The following LARP4 variants were observed in gnomAD, a reference collection of about 807,000 sequenced individuals.
The protein encoded by LARP4 is la-related protein 4.
A neutral mutation model predicts 92.9 loss-of-function variants in LARP4; 29 were observed. The observed-to-expected ratio is 0.31, with a 90% confidence interval of 0.23 to 0.43. LARP4 has a LOEUF of 0.43. Among genes scored for constraint, LARP4 ranks in the 20% least tolerant of loss-of-function variants. The pLI is 1.00. For synonymous variants in LARP4, 279 were observed against 284.1 expected, an observed-to-expected ratio of 0.98 and a Z score of 0.18; for missense variants, 732 against 860.0, an observed-to-expected ratio of 0.85 and a Z score of 1.86.
intron 8 of LARP4, among the ~76,000 whole-genome samples, chr12:50,449,867 T>C (rs1164986170): frequency 1.3e-5 from 2 of 151,848 alleles, no homozygotes; most frequent in African/African-American, 4.8e-5. Flanking sequence ...ACTGTTCGTG[T>C]TGATATTGGC....
intron 13 of LARP4, among the ~76,000 whole-genome samples, chr12:50,470,189 A>C (rs933840195): frequency 4.0e-5 from 6 of 150,496 alleles, no homozygotes; most frequent in Admixed American, 6.7e-5. Flanking sequence ...ACACCACTGT[A>C]CTCCAGCCTG....
intron 1 of LARP4, among the ~76,000 whole-genome samples, chr12:50,413,799 T>A (rs1946318744): frequency 6.6e-6 from 1 of 152,200 alleles, no homozygotes; most frequent in Non-Finnish European, 1.5e-5. Flanking sequence ...AACTATAGTA[T>A]GGTATAATGA....
intron 8 of LARP4, among the ~76,000 whole-genome samples, chr12:50,453,110 TCACTGTGGTA>T (rs1953557489): frequency 6.7e-6 from 1 of 149,644 alleles, no homozygotes; most frequent in Non-Finnish European, 1.5e-5. Context: ...GGGATGGGTC[TCACTGTGGTA>T]CCCAGGGTGG....
chr12:50,409,789 A>AATT lies in LARP4; in HGVS notation c.18+8780_18+8782dup, dbSNP rs994279268. The stretch of plus-strand genomic sequence containing the variant: ...CAAAAAAAAAAAAGAAAAGAAAAAG[A>AATT]ATTATTATTATTATTATTATTTTTT... On this transcript the variant is annotated intron_variant, in intron 1 of 15. Transcript: ENST00000398473. Among the ~76,000 whole-genome samples the AATT allele has an allele frequency of 1.1e-3, 159 of 150,380 alleles. 2 individuals carry two copies. Among genetic ancestry groups the AATT allele is most frequent in the Admixed American group, 3.3e-3 (50 of 15,130 alleles).
intron 4 of LARP4, among the ~76,000 whole-genome samples, chr12:50,432,506 T>TC (rs751738434): frequency 6.6e-6 from 1 of 152,192 alleles, no homozygotes; most frequent in Non-Finnish European, 1.5e-5. Flanking sequence ...GATTTAGATC[T>TC]CTAATACAGA....
chr12:50,441,770 C>G, intron 8 of LARP4, 127 bp downstream of exon 8: 1 of 754,208 alleles, frequency 1.3e-6, no homozygotes, highest in Middle Eastern at 3.6e-4. Flanking sequence ...TGGCTTGGTC[C>G]AGGCGTGGTG....
intron 1 of LARP4, among the ~76,000 whole-genome samples, chr12:50,423,590 A>T (rs1018565977): frequency 2.6e-5 from 4 of 151,012 alleles, no homozygotes; most frequent in African/African-American, 9.8e-5. Context: ...CTGAGATTAC[A>T]GGTGCAGGCC....
chr12:50,466,062 A>T (rs565255877), intron 12 of LARP4, among the ~76,000 whole-genome samples: 99 of 152,320 alleles, frequency 6.5e-4, no homozygotes, highest in Non-Finnish European at 1.0e-3. Flanking sequence ...CAAGGAAAGG[A>T]TGGTTAACAC....
intron 13 of LARP4, among the ~76,000 whole-genome samples, 183 bp downstream of exon 13, chr12:50,467,303 A>C (rs944576052): frequency 2.0e-5 from 3 of 152,030 alleles, no homozygotes; most frequent in African/African-American, 7.2e-5. Flanking sequence ...AAAGGCAATA[A>C]AATGTTTCTT....
chr12:50,463,421 A>AG (rs1955721300), intron 12 of LARP4, among the ~76,000 whole-genome samples: 1 of 16,738 alleles, frequency 6.0e-5, no homozygotes, highest in Non-Finnish European at 1.3e-3. Flanking sequence ...CCATCTCTCC[A>AG]AAAAAAAAAA....
In LARP4 at chr12:50,405,877, T is replaced by G. The variant is rs533176887; in HGVS notation, c.18+4849T>G. ...TATTTGCGTAGCACCTATGCACATC[T>G]TTGTGTATATGTTAAATAATCTCTA... On this transcript the variant is annotated intron_variant, in intron 1 of 15. Transcript: ENST00000398473. 1.3e-4 allele frequency among the ~76,000 whole-genome samples: 20 copies of G among 152,326 alleles called. No individual in the cohort carries two copies. In the East Asian group the frequency reaches 3.7e-3, roughly 28 times the overall value.
chr12:50,401,622 A>C (rs1943866221), intron 1 of LARP4, among the ~76,000 whole-genome samples: 1 of 152,188 alleles, frequency 6.6e-6, no homozygotes, highest in Non-Finnish European at 1.5e-5. Flanking sequence ...TAGGGTTTGG[A>C]AGCCTTGAAA....
At chr12:50,454,646 A>G (rs899827758) in intron 10 of LARP4, 4 of 362,504 alleles carry the variant, frequency 1.1e-5, no homozygotes, top group Non-Finnish European at 1.5e-5. Context: ...TTTTTTAATA[A>G]TAAAAGAGAA....
At chr12:50,427,306 T>C (rs897536257) in intron 1 of LARP4, among the ~76,000 whole-genome samples, 2 of 148,298 alleles carry the variant, frequency 1.3e-5, no homozygotes, top group Admixed American at 6.6e-5. Context: ...TCAAAAGTTA[T>C]GTAAATAGTT....
chr12:50,417,924 G>A (rs574554641), intron 1 of LARP4, among the ~76,000 whole-genome samples: 5 of 152,208 alleles, frequency 3.3e-5, no homozygotes, highest in African/African-American at 9.6e-5. Context: ...GTAATGGCGC[G>A]ATCTTGGTTC....
chr12:50,476,075 AATAT>A lies in LARP4; in HGVS notation c.*225_*228del, dbSNP rs149999313. 2.2e-4 allele frequency: 64 copies of A among 287,692 alleles called. No homozygotes were observed. The highest frequency in any genetic ancestry group is 1.1e-3 in the Middle Eastern group (1 of 874). The allele number at this position is 287,692 out of a possible 1,614,324, so 17.8% of individuals were successfully genotyped here. On this transcript the variant is annotated 3_prime_UTR_variant, in exon 16 of 16. Coordinates refer to ENST00000398473, the MANE Select transcript of LARP4 (RefSeq NM_052879.5). ...ATGCTGGAGGATTCCAATCAATATA[AATAT>A]ATATATATATATACACACACATATA...
chr12:50,454,179 A>G (rs144637647), intron 9 of LARP4, 135 bp from the exon 10 acceptor site: 7 of 607,324 alleles, frequency 1.2e-5, no homozygotes, highest in African/African-American at 9.2e-5. Context: ...ATATTGCAGA[A>G]ATGAATCAGT....
chr12:50,416,934 C>T (rs1377735099), intron 1 of LARP4, among the ~76,000 whole-genome samples: 4 of 152,118 alleles, frequency 2.6e-5, no homozygotes, highest in Non-Finnish European at 5.9e-5. Flanking sequence ...TACTGCACTC[C>T]AGCCTGGGCA....
chr12:50,457,768 C>T (rs991673328), intron 10 of LARP4, among the ~76,000 whole-genome samples: 4 of 149,710 alleles, frequency 2.7e-5, no homozygotes, highest in Middle Eastern at 3.2e-3. Context: ...GAGCTGAGAT[C>T]GCACCACCTC....
Sources: allele counts gnomAD v4.1 joint callset (sites outside exome capture counted in the v4.1 genomes callset), GRCh38; gene constraint gnomAD v4.1.1; transcripts MANE v1.5; gene names NCBI Gene and HGNC (gene_info 2026-07-23, HGNC 2026-07-21).